Variants in SFMBT1 observed in about 807,000 individuals in gnomAD.
The protein encoded by SFMBT1 is Scm like with four mbt domains 1, also known as scm-like with four MBT domains protein 1.
SFMBT1 carries 32 observed loss-of-function variants against 108.7 expected under a neutral mutation model. The observed-to-expected ratio is 0.29, with a 90% confidence interval of 0.22 to 0.40. The LOEUF is 0.40. SFMBT1 is among the 10% of genes least tolerant of loss of function. SFMBT1 has a pLI of 1.00. For missense variants in SFMBT1, 816 were observed against 1,059.6 expected (o/e 0.77, Z 3.19); for synonymous variants, 348 against 369.5 (o/e 0.94, Z 0.67).
chr3:53,027,588 G>A (rs1291997042), intron 1 of SFMBT1, among the ~76,000 whole-genome samples: 2 of 152,184 alleles, frequency 1.3e-5, no homozygotes, highest in African/African-American at 2.4e-5. Flanking sequence ...ATTTTCACAG[G>A]AGAAGGAAAT....
At chr3:52,941,139 G>A (rs1490668274) in intron 4 of SFMBT1, among the ~76,000 whole-genome samples, 1 of 152,164 alleles carries the variant, frequency 6.6e-6, no homozygotes, top group Non-Finnish European at 1.5e-5. Context: ...GAACATTATT[G>A]GGACCAGGAT....
rs34099481 is a variant in SFMBT1 at position 52,982,729 on chromosome 3, C to CA, written c.-130-13472dup. On this transcript the variant is annotated intron_variant, in intron 1 of 20. Transcript: ENST00000394752. ...GGGCGACAGAGCAAGACTCCCATCTCAAAAAAAAAAAAAAAAAAAAAAAAG... is the reference window on the plus strand; with the variant it reads ...GGGCGACAGAGCAAGACTCCCATCTCAAAAAAAAAAAAAAAAAAAAAAAAAG... Among the ~76,000 whole-genome samples the CA allele has an allele frequency of 7.4e-3, 513 of 68,992 alleles. 22 individuals carry two copies. The highest frequency in any genetic ancestry group is 0.017 in the African/African-American group (262 of 15,602). The allele number at this position is 68,992 out of a possible 152,430, so 45.3% of individuals were successfully genotyped here. A position where few individuals can be genotyped will look rare whatever the true frequency, so the allele number is the denominator to read the frequency against.
chr3:52,951,662 G>A (rs952299379), intron 3 of SFMBT1, among the ~76,000 whole-genome samples: 1 of 152,122 alleles, frequency 6.6e-6, no homozygotes, highest in South Asian at 2.1e-4. Flanking sequence ...GATCTGGGCC[G>A]AATTAAATGA....
At chr3:52,985,606 A>G (rs903847663) in intron 1 of SFMBT1, among the ~76,000 whole-genome samples, 2 of 152,246 alleles carry the variant, frequency 1.3e-5, no homozygotes, top group Non-Finnish European at 2.9e-5. Flanking sequence ...ACAGTCATGC[A>G]TCGCTTAATA....
At chr3:53,044,747 C>T (rs1451126085) in intron 1 of SFMBT1, among the ~76,000 whole-genome samples, 1 of 152,204 alleles carries the variant, frequency 6.6e-6, no homozygotes, top group African/African-American at 2.4e-5. Flanking sequence ...AAACACAGAT[C>T]ACTGCTAACA....
At chr3:52,920,778 GAC>G (rs1702501188) in intron 11 of SFMBT1, 128 bp from the exon 12 acceptor site, 1 of 599,674 alleles carries the variant, frequency 1.7e-6, no homozygotes, top group African/African-American at 1.9e-5. Context: ...CAAGTCTCTT[GAC>G]ACAGAAGTCA....
chr3:53,030,115 A>T (rs931172027), intron 1 of SFMBT1, among the ~76,000 whole-genome samples: 4 of 152,226 alleles, frequency 2.6e-5, no homozygotes, highest in African/African-American at 9.6e-5. Flanking sequence ...ATAAATATGG[A>T]AACAAATAAA....
At chr3:53,015,386 A>C (rs753509911) in intron 1 of SFMBT1, among the ~76,000 whole-genome samples, 21 of 152,334 alleles carry the variant, frequency 1.4e-4, no homozygotes, top group South Asian at 6.2e-4. Flanking sequence ...TTCTTCAAAA[A>C]GTTAAACATA....
At chr3:53,017,643 T>C (rs1315709472) in intron 1 of SFMBT1, among the ~76,000 whole-genome samples, 2 of 152,208 alleles carry the variant, frequency 1.3e-5, no homozygotes, top group Non-Finnish European at 2.9e-5. Context: ...AAGAGCAACT[T>C]GGAGAAATAC....
At chr3:52,941,229 C>A (rs1480471033) in intron 4 of SFMBT1, among the ~76,000 whole-genome samples, 1 of 152,072 alleles carries the variant, frequency 6.6e-6, no homozygotes, top group Non-Finnish European at 1.5e-5. Flanking sequence ...AGGAACTGTT[C>A]CAGATTATAG....
chr3:52,957,389 G>T lies in SFMBT1; in HGVS notation c.29-2978C>A, dbSNP rs551171967. On this transcript the variant is annotated intron_variant, in intron 2 of 20. Transcript: ENST00000394752. ...AAAGAATCAAAATATCATGAAAATG[G>T]TCATACTACCCAAAGTAATTTATAG... is the stretch of plus-strand genomic sequence containing the variant. Among the ~76,000 whole-genome samples, 50 of 152,236 alleles carry T rather than the reference G, an allele frequency of 3.3e-4. No individual in the cohort carries two copies. The South Asian group carries it at 0.01, about 31-fold the overall frequency.
At chr3:52,921,572 T>C (rs1253647461) in intron 11 of SFMBT1, 133 bp downstream of exon 11, 2 of 974,452 alleles carry the variant, frequency 2.1e-6, no homozygotes, top group Non-Finnish European at 3.0e-6. Flanking sequence ...GCTTAGAGTC[T>C]TGCATTACAA....
intron 15 of SFMBT1, 148 bp downstream of exon 15, chr3:52,913,330 C>T: frequency 1.1e-6 from 1 of 938,626 alleles, no homozygotes; most frequent in South Asian, 1.9e-5. Flanking sequence ...ATTACATACC[C>T]TCTTCACTGT....
rs1335631398 is a variant in SFMBT1, at chr3:53,005,924, G to A, written c.-130-36666C>T. On this transcript the variant is annotated intron_variant, in intron 1 of 20. Coordinates refer to ENST00000394752, the MANE Select transcript of SFMBT1 (RefSeq NM_016329.4). ...CTGAAAGAGCCTGTGGTCCAAGCCGGCAACCAGAAGGGCACTCTGGGTGGG... is the reference window on the plus strand; with the variant it reads ...CTGAAAGAGCCTGTGGTCCAAGCCGACAACCAGAAGGGCACTCTGGGTGGG... Among the ~76,000 whole-genome samples the A allele has an allele frequency of 4.6e-5, 7 of 152,292 alleles. No individual in the cohort carries two copies. In the East Asian group the frequency reaches 1.4e-3, roughly 29 times the overall value.
chr3:52,930,022 C>A (rs1166629469), intron 8 of SFMBT1, among the ~76,000 whole-genome samples: 1 of 152,174 alleles, frequency 6.6e-6, no homozygotes, highest in Admixed American at 6.5e-5. Context: ...TTTACAGATA[C>A]CCTGGCCTCC....
chr3:52,954,248 C>G, intron 3 of SFMBT1, 69 bp downstream of exon 3: 1 of 1,190,138 alleles, frequency 8.4e-7, no homozygotes, highest in Non-Finnish European at 1.2e-6. Flanking sequence ...TTTAAATTCT[C>G]TAATGATAAT....
At chr3:53,018,306 T>C (rs1699192892) in intron 1 of SFMBT1, 1 of 152,122 alleles carries the variant, frequency 6.6e-6, no homozygotes, top group Admixed American at 6.6e-5. Context: ...AAAAGTTAGT[T>C]CTGCAGTACA....
At chr3:52,997,179 GACTTTACTTGTGTTC>G (rs1479706908) in intron 1 of SFMBT1, among the ~76,000 whole-genome samples, 4 of 150,184 alleles carry the variant, frequency 2.7e-5, no homozygotes, top group African/African-American at 9.7e-5. Flanking sequence ...GCCACACAAA[GACTTTACTTGTGTTC>G]ACTGCCAAGA....
chr3:52,964,814 T>C (rs569414016), intron 2 of SFMBT1, among the ~76,000 whole-genome samples: 3 of 152,308 alleles, frequency 2.0e-5, no homozygotes, highest in Admixed American at 6.5e-5. Context: ...GAAACAACTC[T>C]TGCTGCTCTA....
Sources: gnomAD v4.1 joint callset for allele counts (sites outside exome capture counted in the v4.1 genomes callset) on GRCh38, gnomAD v4.1.1 for gene constraint, MANE v1.5 for transcripts, NCBI Gene and HGNC (gene_info 2026-07-23, HGNC 2026-07-21) for gene names.